Variants in MPZL3 observed in about 807,000 individuals in gnomAD.
MPZL3 encodes myelin protein zero-like protein 3.
MPZL3 carries 23 observed loss-of-function variants against 24.8 expected under a neutral mutation model. That is an observed-to-expected ratio of 0.93 (90% confidence interval 0.67 to 1.31). The LOEUF (loss-of-function observed/expected upper bound fraction) is 1.31, where lower values mean the gene tolerates loss of function less well. Ranked by LOEUF, MPZL3 falls within the 40% of genes most tolerant of loss-of-function variation. The probability of loss-of-function intolerance (pLI) is 0.00; values close to 1 mark genes in which losing one functional copy is unlikely to be tolerated. For missense variants in MPZL3, 277 were observed against 294.9 expected (o/e 0.94, Z 0.44); for synonymous variants, 99 against 106.5 (o/e 0.93, Z 0.44).
In MPZL3 at chr11:118,252,278, G is replaced by A; in HGVS notation, c.17C>T (p.Ala6Val). Residue 6 changes from alanine to valine, a missense_variant, in exon 1 of 6, where the codon GCA becomes GTA. Physicochemically the swap from Ala to Val is moderately conservative, Grantham distance 64. Coordinates refer to ENST00000278949, the MANE Select transcript of MPZL3 (RefSeq NM_198275.3). MQQRG[A>V]AGSRGCALFP... ...GAGAGCGCAGCCACGGCTTCCAGCTGCTCCTCTCTGCTGCATCCCGGCAGC... is the reference window on the plus strand; with the variant it reads ...GAGAGCGCAGCCACGGCTTCCAGCTACTCCTCTCTGCTGCATCCCGGCAGC... The A allele has an allele frequency of 6.2e-7, 1 of 1,613,994 alleles. No individual in the cohort carries two copies. Among genetic ancestry groups the A allele is most frequent in the Non-Finnish European group, 8.5e-7 (1 of 1,179,960 alleles).
intron 2 of MPZL3, 99 bp from the exon 3 acceptor site, chr11:118,237,359 G>T: frequency 9.0e-7 from 1 of 1,106,694 alleles, no homozygotes; most frequent in South Asian, 1.5e-5. Context: ...GTATAATGGT[G>T]TGTTTTTTTT....
At chr11:118,234,677 C>A (rs922325327) in intron 4 of MPZL3, among the ~76,000 whole-genome samples, 31 of 151,916 alleles carry the variant, frequency 2.0e-4, no homozygotes, top group Middle Eastern at 3.2e-3. Context: ...TTTTGAGCCA[C>A]AGATTCCTTG....
intron 1 of MPZL3, among the ~76,000 whole-genome samples, chr11:118,251,174 T>C (rs950583341): frequency 5.9e-5 from 9 of 151,668 alleles, no homozygotes; most frequent in Non-Finnish European, 1.3e-4. Context: ...CCAGCCTAAA[T>C]ATCATACTGC....
chr11:118,234,351 C>A (rs1179652831), intron 4 of MPZL3, among the ~76,000 whole-genome samples: 1 of 152,012 alleles, frequency 6.6e-6, no homozygotes, highest in East Asian at 1.9e-4. Flanking sequence ...CTAATTGTCC[C>A]CTGAGGTCTC....
At chr11:118,252,076 A>T (rs780521300) in intron 1 of MPZL3, 146 bp downstream of exon 1, 1 of 758,462 alleles carries the variant, frequency 1.3e-6, no homozygotes, top group Non-Finnish European at 2.3e-6. Flanking sequence ...TGGTGATGAC[A>T]TCGTCCCAAC....
chr11:118,237,942 G>A (rs973628831), intron 2 of MPZL3, among the ~76,000 whole-genome samples: 1 of 152,098 alleles, frequency 6.6e-6, no homozygotes, highest in Non-Finnish European at 1.5e-5. Context: ...TTCAGGACCA[G>A]CCTGGCCAAC....
chr11:118,248,136 C>T (rs1260125465), intron 1 of MPZL3, among the ~76,000 whole-genome samples: 3 of 125,110 alleles, frequency 2.4e-5, no homozygotes, highest in Non-Finnish European at 4.7e-5. Context: ...AGTGCAGTGG[C>T]GCGATCTTGG....
At chr11:118,241,957 T>G (rs907166175) in intron 1 of MPZL3, among the ~76,000 whole-genome samples, 43 of 152,180 alleles carry the variant, frequency 2.8e-4, no homozygotes, top group Admixed American at 4.6e-4. Context: ...CTGGAAAGCT[T>G]TTATCCCTCA....
rs1428674644 is a variant in MPZL3 at position 118,237,273 on chromosome 11, C to T, written c.241-13G>A. On this transcript the variant is annotated splice_polypyrimidine_tract_variant and intron_variant, in intron 2 of 5. Coordinates refer to ENST00000278949, the MANE Select transcript of MPZL3 (RefSeq NM_198275.3). ...GATAATGAAATATCTAAGAAAGCAA[C>T]ACCATGAGAGAAAAGGTTAACTTGG... is the stretch of plus-strand genomic sequence containing the variant. The T allele has an allele frequency of 1.6e-5, 25 of 1,610,386 alleles. No individual in the cohort carries two copies. In the Admixed American group the frequency reaches 4.2e-4, roughly 27 times the overall value.
intron 3 of MPZL3, among the ~76,000 whole-genome samples, chr11:118,235,880 T>C (rs142714041): frequency 6.6e-6 from 1 of 152,320 alleles, no homozygotes; most frequent in African/African-American, 2.4e-5. Context: ...TCATATATTA[T>C]ATATTATTTT....
chr11:118,234,582 T>C (rs1949396467), intron 4 of MPZL3, among the ~76,000 whole-genome samples: 1 of 152,136 alleles, frequency 6.6e-6, no homozygotes, highest in Non-Finnish European at 1.5e-5. Context: ...CAGGGAACAA[T>C]GTGACTTAGA....
intron 1 of MPZL3, among the ~76,000 whole-genome samples, chr11:118,249,923 C>T (rs146274872): frequency 6.6e-6 from 1 of 152,110 alleles, no homozygotes; most frequent in Non-Finnish European, 1.5e-5. Flanking sequence ...AATGGATGAA[C>T]CTTGAAAACA....
intron 5 of MPZL3, among the ~76,000 whole-genome samples, chr11:118,233,024 T>C (rs976834820): frequency 2.6e-5 from 4 of 152,098 alleles, no homozygotes; most frequent in African/African-American, 7.2e-5. Context: ...CCTTCCAGGG[T>C]GGTATTTCTT....
rs60832269 is a variant in MPZL3, at chr11:118,229,125, CAAAAAAAAAAA to C, written c.*758_*768del. 1.2e-3 allele frequency: 114 copies of C among 96,412 alleles called. No individual in the cohort carries two copies. The highest frequency in any genetic ancestry group is 2.3e-3 in the East Asian group (9 of 3,914). The allele number at this position is 96,412 out of a possible 1,614,324, so 6.0% of individuals were successfully genotyped here. A position where few individuals can be genotyped will look rare whatever the true frequency, so the allele number is the denominator to read the frequency against. On this transcript the variant is annotated 3_prime_UTR_variant, in exon 6 of 6. Transcript: ENST00000278949. Reference sequence around the variant, plus strand: ...CTGGCGACAGAGTGAGACTCTGCCTCAAAAAAAAAAAAAAAAAAAAAAAAGCAAGACAGAAA... The same window carrying C: ...CTGGCGACAGAGTGAGACTCTGCCTCAAAAAAAAAAAAAGCAAGACAGAAA...
chr11:118,232,684 A>G (rs1287252046), intron 5 of MPZL3, among the ~76,000 whole-genome samples: 1 of 152,210 alleles, frequency 6.6e-6, no homozygotes, highest in South Asian at 2.1e-4. Context: ...GGTCCTCTGC[A>G]CTGGCATTAC....
chr11:118,250,350 T>C (rs1182771892), intron 1 of MPZL3, among the ~76,000 whole-genome samples: 1 of 151,852 alleles, frequency 6.6e-6, no homozygotes, highest in African/African-American at 2.4e-5. Context: ...AATCAATAGA[T>C]ACAAAAAAAT....
At chr11:118,232,486 G>A (rs1331974497) in intron 5 of MPZL3, among the ~76,000 whole-genome samples, 1 of 151,834 alleles carries the variant, frequency 6.6e-6, no homozygotes, top group East Asian at 1.9e-4. Flanking sequence ...GTTCTCGGAG[G>A]GCAGGAATTT....
At chr11:118,243,265 C>A (rs1273162561) in intron 1 of MPZL3, among the ~76,000 whole-genome samples, 1 of 152,198 alleles carries the variant, frequency 6.6e-6, no homozygotes, top group Non-Finnish European at 1.5e-5. Context: ...GTCCTCCATG[C>A]AACCTCCAAA....
intron 1 of MPZL3, among the ~76,000 whole-genome samples, chr11:118,246,017 T>C (rs1228548292): frequency 6.6e-6 from 1 of 152,162 alleles, no homozygotes; most frequent in African/African-American, 2.4e-5. Flanking sequence ...CAATTTAAGA[T>C]TAGAATCTCT....
Sources: allele counts gnomAD v4.1 joint callset (sites outside exome capture counted in the v4.1 genomes callset), GRCh38; gene constraint gnomAD v4.1.1; transcripts MANE v1.5; gene names NCBI Gene and HGNC (gene_info 2026-07-23, HGNC 2026-07-21).